VIL1: variants seen among roughly 807,000 people sequenced by gnomAD.
The protein encoded by VIL1 is villin 1, also known as villin-1.
A neutral mutation model predicts 104.0 loss-of-function variants in VIL1; 86 were observed. The ratio of observed to expected loss-of-function variants is 0.83; its 90% CI spans 0.69 to 0.99. VIL1 has a LOEUF of 0.99. Among genes scored for constraint, VIL1 ranks in the 50% least tolerant of loss-of-function variants. The probability of loss-of-function intolerance (pLI) is 0.00; values close to 1 mark genes in which losing one functional copy is unlikely to be tolerated. For missense variants in VIL1, 944 were observed against 1,054.1 expected, an observed-to-expected ratio of 0.90 and a Z score of 1.45; for synonymous variants, 394 against 412.6, an observed-to-expected ratio of 0.95 and a Z score of 0.55.
intron 1 of VIL1, among the ~76,000 whole-genome samples, chr2:218,420,443 A>AG (rs1478786098): frequency 8.0e-4 from 120 of 149,584 alleles, no homozygotes; most frequent in East Asian, 5.3e-3. Context: ...AAAAAAAAAA[A>AG]AAAAGAAAAG....
At chr2:218,421,558 AG>A (rs997440376) in intron 1 of VIL1, among the ~76,000 whole-genome samples, 1 of 152,054 alleles carries the variant, frequency 6.6e-6, no homozygotes, top group African/African-American at 2.4e-5. Context: ...GGCCCTACCA[AG>A]GGGTGGAGGA....
Position 218,437,145 on chromosome 2 carries a change from C to G in VIL1, c.1993C>G (p.His665Asp), listed in dbSNP as rs1165477786. ...WDQVFFWIGKHANEEEKKAAA... is the reference protein window; with the variant it reads ...WDQVFFWIGKDANEEEKKAAA... ...ATAGGTCTTCTTCTGGATTGGGAAA[C>G]ATGCCAACGAGGAGGAGAAGAAGGC... Residue 665 changes from histidine (H) to aspartate (D), a missense_variant, in exon 17 of 20, where the codon CAT becomes GAT. Physicochemically the swap from His to Asp is moderately conservative, Grantham distance 81. Coordinates refer to ENST00000248444, the MANE Select transcript of VIL1 (RefSeq NM_007127.3). The G allele has an allele frequency of 6.2e-7, 1 of 1,614,100 alleles. No individual in the cohort carries two copies.
At chr2:218,427,740 TCTCA>T (rs1231416567) in intron 4 of VIL1, among the ~76,000 whole-genome samples, 1 of 151,890 alleles carries the variant, frequency 6.6e-6, no homozygotes, top group Non-Finnish European at 1.5e-5. Flanking sequence ...TTAAGGTTGC[TCTCA>T]CTGTCAGGGT....
At chr2:218,432,750 G>A (rs1464535574) in intron 12 of VIL1, 43 bp from the exon 13 acceptor site, 12 of 1,610,378 alleles carry the variant, frequency 7.5e-6, no homozygotes, top group Non-Finnish European at 1.0e-5. Flanking sequence ...GTCAGAATTG[G>A]GGGCTGACCC....
intron 12 of VIL1, 112 bp from the exon 13 acceptor site, chr2:218,432,681 A>G: frequency 5.7e-6 from 8 of 1,401,272 alleles, no homozygotes; most frequent in Non-Finnish European, 7.8e-6. Context: ...GGGGAAGACA[A>G]TTGGGTTTAG....
rs560879524 is a variant in VIL1 at position 218,421,832 on chromosome 2, C to T, written c.-11-1936C>T. On this transcript the variant is annotated intron_variant, in intron 1 of 19. Transcript: ENST00000248444. ...CTATTCCTCTTGCTGCCAGTTAACCCTGGAATCAGCATGTCCCTGGGTGAG... is the reference window on the plus strand; with the variant it reads ...CTATTCCTCTTGCTGCCAGTTAACCTTGGAATCAGCATGTCCCTGGGTGAG... Among the ~76,000 whole-genome samples the T allele has an allele frequency of 3.9e-5, 6 of 152,292 alleles. No individual in the cohort carries two copies. The East Asian group carries it at 1.2e-3, about 29-fold the overall frequency.
chr2:218,443,815 T>G (rs1469251891), intron 19 of VIL1, among the ~76,000 whole-genome samples: 1 of 150,036 alleles, frequency 6.7e-6, no homozygotes, highest in Non-Finnish European at 1.5e-5. Context: ...CCATCACGCC[T>G]GGCTAATTTT....
rs1689171951 is a variant in VIL1, at chr2:218,435,402, G to A, written c.1794G>A (p.Leu598=). The change falls in exon 15 of 20, where the codon CTG becomes CTA. Residue 598 remains leucine (L), a synonymous_variant. Transcript: ENST00000248444. ...GQEPANFWMA[L]GGKAPYANTK... is the part of the protein sequence containing the mutation. ...AGCCAGCCAACTTCTGGATGGCCCT[G>A]GGTGGGAAGGCCCCCTATGCCAACA... 4 of 1,614,156 alleles carry A rather than the reference G, an allele frequency of 2.5e-6. No individual in the cohort carries two copies. The highest frequency in any genetic ancestry group is 3.4e-6 in the Non-Finnish European group (4 of 1,180,012).
intron 6 of VIL1, 25 bp from the exon 7 acceptor site, chr2:218,429,260 T>C: frequency 6.3e-7 from 1 of 1,599,056 alleles, no homozygotes; most frequent in Non-Finnish European, 8.5e-7. Context: ...CTACTCCCGA[T>C]GGGTCACCAG....
chr2:218,428,120 G>A lies in VIL1; in HGVS notation c.456+47G>A. The A allele has an allele frequency of 2.5e-6, 4 of 1,601,622 alleles. No homozygotes were observed. In the South Asian group the frequency reaches 3.3e-5, roughly 13 times the overall value. ...ATCGGCCAGGGCTGTGAGGCCCAGG[G>A]TGGAGGGCAGGGGCTGAGGAGGGGT... On this transcript the variant is annotated intron_variant, in intron 5 of 19. Transcript: ENST00000248444.
At chr2:218,446,034 T>G (rs573394202) in intron 19 of VIL1, among the ~76,000 whole-genome samples, 1 of 152,244 alleles carries the variant, frequency 6.6e-6, no homozygotes, top group South Asian at 2.1e-4. Flanking sequence ...TATACAAATA[T>G]TTTTTGACTC....
At chr2:218,441,256 G>GT (rs1254989808) in intron 19 of VIL1, among the ~76,000 whole-genome samples, 1 of 152,086 alleles carries the variant, frequency 6.6e-6, no homozygotes, top group Admixed American at 6.5e-5. Flanking sequence ...AGGTGTGGTG[G>GT]TGTATGCCTG....
At chr2:218,438,826 T>C in intron 18 of VIL1, 100 bp downstream of exon 18, 2 of 965,710 alleles carry the variant, frequency 2.1e-6, no homozygotes, top group South Asian at 1.5e-5. Context: ...AGTCCTGTGC[T>C]TTCCCTCCTA....
Position 218,440,743 on chromosome 2 carries a change from G to C in VIL1, c.2251G>C (p.Asp751His). The change falls in exon 19 of 20, where the codon GAC (aspartate) becomes CAC (histidine). Residue 751 changes from aspartate (D) to histidine (H), a missense_variant. Asp to His is a moderately conservative substitution (Grantham distance 81). Coordinates refer to ENST00000248444, the MANE Select transcript of VIL1 (RefSeq NM_007127.3). ...ITAEVTSPKV[D>H]VFNANSNLSS... ...CTAGGAGGTCACAAGCCCCAAAGTG[G>C]ACGTGTTCAATGCTAACAGCAACCT... The C allele has an allele frequency of 6.2e-7, 1 of 1,614,124 alleles. No homozygotes were observed.
chr2:218,445,518 G>A (rs1373392159), intron 19 of VIL1, among the ~76,000 whole-genome samples: 8 of 152,126 alleles, frequency 5.3e-5, no homozygotes, highest in African/African-American at 1.9e-4. Context: ...CCCAGGGTGG[G>A]AGGCAAATCT....
At chr2:218,427,572 C>T (rs542755411) in intron 4 of VIL1, among the ~76,000 whole-genome samples, 1 of 152,250 alleles carries the variant, frequency 6.6e-6, no homozygotes, top group African/African-American at 2.4e-5. Flanking sequence ...ATGATCTGCC[C>T]ACCTCGGCCT....
At chr2:218,438,778 A>C in intron 18 of VIL1, 52 bp downstream of exon 18, 1 of 1,532,508 alleles carries the variant, frequency 6.5e-7, no homozygotes, top group Non-Finnish European at 8.9e-7. Context: ...TGGTGGTCAG[A>C]CCTGTGGGAG....
At chr2:218,425,549 G>T in intron 3 of VIL1, 66 bp from the exon 4 acceptor site, 1 of 1,541,564 alleles carries the variant, frequency 6.5e-7, no homozygotes, top group South Asian at 1.2e-5. Flanking sequence ...TGTGTGGGAG[G>T]TCACACAGAG....
At chr2:218,442,950 G>A (rs553601247) in intron 19 of VIL1, among the ~76,000 whole-genome samples, 1 of 152,174 alleles carries the variant, frequency 6.6e-6, no homozygotes, top group Non-Finnish European at 1.5e-5. Flanking sequence ...GAGGCTAGGA[G>A]GCACATGGGT....
Sources: gnomAD v4.1 joint callset for allele counts (sites outside exome capture counted in the v4.1 genomes callset) on GRCh38, gnomAD v4.1.1 for gene constraint, MANE v1.5 for transcripts, NCBI Gene and HGNC (gene_info 2026-07-23, HGNC 2026-07-21) for gene names.